Variants in LRP8 observed in about 807,000 individuals in gnomAD.
LRP8 encodes the protein low-density lipoprotein receptor-related protein 8.
A neutral mutation model predicts 111.6 loss-of-function variants in LRP8; 46 were observed. The ratio of observed to expected loss-of-function variants is 0.41; its 90% CI spans 0.33 to 0.53. The LOEUF (loss-of-function observed/expected upper bound fraction) is 0.53. LRP8 is among the 20% of genes least tolerant of loss of function. The pLI, the probability that LRP8 is intolerant of heterozygous loss-of-function variation, is 0.20. For missense variants in LRP8, 959 were observed against 1,297.4 expected, an observed-to-expected ratio of 0.74 and a Z score of 4.01; for synonymous variants, 464 against 511.2, an observed-to-expected ratio of 0.91 and a Z score of 1.24.
At chr1:53,310,643 AG>A (rs1286172115) in intron 2 of LRP8, among the ~76,000 whole-genome samples, 3 of 152,298 alleles carry the variant, frequency 2.0e-5, no homozygotes, top group South Asian at 4.1e-4. Context: ...AGGATCAGCC[AG>A]GGTGTCTGTG....
At chr1:53,301,729 T>G (rs576987133) in intron 2 of LRP8, among the ~76,000 whole-genome samples, 1 of 125,598 alleles carries the variant, frequency 8.0e-6, no homozygotes, top group African/African-American at 2.8e-5. Flanking sequence ...AAACCCTGTC[T>G]TAAAAAAAAA....
Position 53,247,001 on chromosome 1 carries a change from AG to A in LRP8, c.*16del. ...TGGGACTGAATTCCATGAGGCACGA[AG>A]GGGGTGATCCCATCCTCAGGGTAGT... On this transcript the variant is annotated 3_prime_UTR_variant, in exon 19 of 19. Coordinates refer to ENST00000306052, the MANE Select transcript of LRP8 (RefSeq NM_004631.5). The A allele has an allele frequency of 6.2e-7, 1 of 1,605,116 alleles. No individual in the cohort carries two copies. The highest frequency in any genetic ancestry group is 8.5e-7 in the Non-Finnish European group (1 of 1,176,168).
At chr1:53,247,134 T>TA (rs1572408729) in intron 18 of LRP8, 78 bp from the exon 19 acceptor site, 16 of 1,122,580 alleles carry the variant, frequency 1.4e-5, no homozygotes, top group Middle Eastern at 2.0e-4. Flanking sequence ...ATCACAGACT[T>TA]ACGTTACTTT....
rs1572406249 is a variant in LRP8, at chr1:53,246,232, A to T, written c.*786T>A. On this transcript the variant is annotated 3_prime_UTR_variant, in exon 19 of 19. Transcript: ENST00000306052. Reference sequence around the variant, plus strand: ...AAAGATTTGCCTTTTTTACTACATAATTGCACAAACCATGGTATCTATTTT... The same window carrying T: ...AAAGATTTGCCTTTTTTACTACATATTTGCACAAACCATGGTATCTATTTT... The T allele has an allele frequency of 6.6e-6, 1 of 152,304 alleles. No homozygotes were observed. Among genetic ancestry groups the T allele is most frequent in the East Asian group, 1.9e-4 (1 of 5,186 alleles). The allele number at this position is 152,304 out of a possible 1,614,324, so 9.4% of individuals were successfully genotyped here. A position where few individuals can be genotyped will look rare whatever the true frequency, so the allele number is the denominator to read the frequency against.
At chr1:53,315,839 G>A (rs985118858) in intron 2 of LRP8, among the ~76,000 whole-genome samples, 3 of 152,266 alleles carry the variant, frequency 2.0e-5, no homozygotes, top group African/African-American at 7.2e-5. Flanking sequence ...CTGGAGGGCA[G>A]CCAGCCAGGT....
intron 2 of LRP8, among the ~76,000 whole-genome samples, chr1:53,314,158 G>GC (rs1408478851): frequency 6.6e-6 from 1 of 151,224 alleles, no homozygotes; most frequent in Admixed American, 6.6e-5. Context: ...TTCAGCCACA[G>GC]CCCCCCAGTG....
intron 5 of LRP8, among the ~76,000 whole-genome samples, chr1:53,276,049 A>G (rs1158950529): frequency 1.3e-5 from 2 of 152,130 alleles, no homozygotes; most frequent in Admixed American, 1.3e-4. Flanking sequence ...CACTCCTCAG[A>G]ACAGACACAC....
rs751804840 is a variant in LRP8 at position 53,276,676 on chromosome 1, T to C, written c.883+16A>G. ...GCAATCCCTGGGCGGGGCTGGGCGG[T>C]ATGGAGGGGGCTTACGGCAGTCGGC... On this transcript the variant is annotated intron_variant, in intron 5 of 18. Coordinates refer to ENST00000306052, the MANE Select transcript of LRP8 (RefSeq NM_004631.5). 4 of 1,519,064 alleles carry C rather than the reference T, an allele frequency of 2.6e-6. No homozygotes were observed. The highest frequency in any genetic ancestry group is 2.4e-5 in the South Asian group (2 of 84,596). The allele number at this position is 1,519,064 out of a possible 1,614,324, so 94.1% of individuals were successfully genotyped here.
chr1:53,308,597 C>T (rs778963115), intron 2 of LRP8, among the ~76,000 whole-genome samples: 7 of 152,226 alleles, frequency 4.6e-5, no homozygotes, highest in Non-Finnish European at 8.8e-5. Flanking sequence ...ATTAATGTGA[C>T]GGATCTCAAG....
intron 2 of LRP8, among the ~76,000 whole-genome samples, chr1:53,320,394 G>A (rs1335178315): frequency 1.3e-5 from 2 of 152,184 alleles, no homozygotes; most frequent in Non-Finnish European, 2.9e-5. Flanking sequence ...CCAGAATTGA[G>A]GACACCTGAG....
chr1:53,310,417 T>C (rs1231829378), intron 2 of LRP8, among the ~76,000 whole-genome samples: 2 of 152,206 alleles, frequency 1.3e-5, no homozygotes, highest in Admixed American at 6.5e-5. Flanking sequence ...GGAAGTCATT[T>C]TTCTCCTCTG....
chr1:53,312,575 C>T (rs1394267671), intron 2 of LRP8, among the ~76,000 whole-genome samples: 1 of 151,922 alleles, frequency 6.6e-6, no homozygotes, highest in Non-Finnish European at 1.5e-5. Context: ...CCAGGCTGGC[C>T]TTGAACTCCC....
intron 2 of LRP8, among the ~76,000 whole-genome samples, chr1:53,311,785 C>T (rs544368421): frequency 1.4e-4 from 21 of 152,340 alleles, no homozygotes; most frequent in African/African-American, 4.3e-4. Flanking sequence ...CGGCCACAGC[C>T]CAGCCACCCA....
In LRP8 at chr1:53,243,223, C is replaced by T. The variant is rs1645673581; in HGVS notation, c.*3795G>A. The T allele has an allele frequency of 6.6e-6, 1 of 152,132 alleles. No homozygotes were observed. The highest frequency in any genetic ancestry group is 1.5e-5 in the Non-Finnish European group (1 of 68,042). The allele number at this position is 152,132 out of a possible 1,614,324, so 9.4% of individuals were successfully genotyped here. On this transcript the variant is annotated 3_prime_UTR_variant, in exon 19 of 19. Transcript: ENST00000306052. ...CATTCCTGTGCCATTTCCCCATTCC[C>T]ACCAGTGCCCAACTGGACAGTGATT...
intron 2 of LRP8, among the ~76,000 whole-genome samples, chr1:53,302,886 G>C (rs904587239): frequency 2.4e-5 from 2 of 83,220 alleles, no homozygotes. Flanking sequence ...TTTTGTTGTA[G>C]AGACAGTTTC....
intron 2 of LRP8, among the ~76,000 whole-genome samples, chr1:53,322,246 C>T (rs997238869): frequency 3.9e-5 from 6 of 152,170 alleles, no homozygotes; most frequent in African/African-American, 9.7e-5. Flanking sequence ...ATCCAGGAGG[C>T]GACAGCTGGG....
Position 53,264,395 on chromosome 1 carries a change from C to A in LRP8, c.1429G>T (p.Ala477Ser). The change falls in exon 10 of 19, where the codon GCC becomes TCC. Residue 477 changes from alanine (A) to serine (S), a missense_variant and splice_region_variant. Transcript: ENST00000306052. ...CDLSYRKIYSAYMDKASDPKE... is the reference protein window; with the variant it reads ...CDLSYRKIYSSYMDKASDPKE... ...GGGTCACTGGCCTTGTCCATGTAGGCGCTTAAGAGAAAACAGAGATGACCA... is the reference window on the plus strand; with the variant it reads ...GGGTCACTGGCCTTGTCCATGTAGGAGCTTAAGAGAAAACAGAGATGACCA... 1 of 1,612,312 alleles carries A rather than the reference C, an allele frequency of 6.2e-7. No individual in the cohort carries two copies. Among genetic ancestry groups the A allele is most frequent in the Non-Finnish European group, 8.5e-7 (1 of 1,179,052 alleles).
intron 1 of LRP8, chr1:53,327,521 G>T (rs1416244125): frequency 2.7e-6 from 1 of 369,856 alleles, no homozygotes; most frequent in Non-Finnish European, 4.7e-6. Flanking sequence ...ATGAATGGCC[G>T]CCCCTCCGGC....
At chr1:53,264,480 T>G in intron 9 of LRP8, 84 bp from the exon 10 acceptor site, 1 of 1,069,078 alleles carries the variant, frequency 9.4e-7, no homozygotes, top group Non-Finnish European at 1.4e-6. Context: ...TTCCCCTCTC[T>G]TCCATCTGGG....
Sources: allele counts gnomAD v4.1 joint callset (sites outside exome capture counted in the v4.1 genomes callset), GRCh38; gene constraint gnomAD v4.1.1; transcripts MANE v1.5; gene names NCBI Gene and HGNC (gene_info 2026-07-23, HGNC 2026-07-21).